Variants in DPH7 observed in about 807,000 individuals in gnomAD.
DPH7 encodes diphthamide biosynthesis 7.
Under a neutral mutation model 41.7 loss-of-function variants are expected in DPH7, and 44 were observed. The ratio of observed to expected loss-of-function variants is 1.05; its 90% CI spans 0.83 to 1.36. The LOEUF (loss-of-function observed/expected upper bound fraction) is 1.36. Among genes scored for constraint, DPH7 ranks in the 40% most tolerant of loss-of-function variants. The probability of loss-of-function intolerance (pLI) is 0.00; values close to 1 mark genes in which losing one functional copy is unlikely to be tolerated. For synonymous variants in DPH7, 275 were observed against 238.0 expected (o/e 1.16, Z -1.43); for missense variants, 629 against 577.5 (o/e 1.09, Z -0.91).
rs971597043 is a variant in DPH7 at position 137,564,951 on chromosome 9, T to C, written c.718A>G (p.Met240Val). Residue 240 changes from methionine (M) to valine (V), a missense_variant, in exon 7 of 9, where the codon ATG becomes GTG. Transcript: ENST00000277540. Reference sequence around the variant, plus strand: ...CTGCTCTGGATGCTGCACACACCCATGGTGTGTCTGCAAGCAGAGGCGGCT... The same window carrying C: ...CTGCTCTGGATGCTGCACACACCCACGGTGTGTCTGCAAGCAGAGGCGGCT... ...KFLFTSKRHTMGVCSIQSSPH... is the reference protein window; with the variant it reads ...KFLFTSKRHTVGVCSIQSSPH... 1.0e-5 allele frequency: 16 copies of C among 1,595,594 alleles called. No homozygotes were observed. In the South Asian group the frequency reaches 1.1e-4, roughly 11 times the overall value.
chr9:137,564,552 T>A lies in DPH7; in HGVS notation c.831A>T (p.Ala277=), dbSNP rs200103991. The change falls in exon 8 of 9, where the codon GCA becomes GCT. Residue 277 remains alanine (A), a synonymous_variant. Coordinates refer to ENST00000277540, the MANE Select transcript of DPH7 (RefSeq NM_138778.5). Reference sequence around the variant, plus strand: ...ATACCCCACCCTGCACAGGCGTATCTGCCAACGGCTGCTTCATGTTTCGTG... The same window carrying A: ...ATACCCCACCCTGCACAGGCGTATCAGCCAACGGCTGCTTCATGTTTCGTG... The part of the protein sequence containing the change: ...WDTRNMKQPL[A]DTPVQGGVWR... 6.2e-7 allele frequency: 1 copy of A among 1,614,068 alleles called. No individual in the cohort carries two copies. Among genetic ancestry groups the A allele is most frequent in the Non-Finnish European group, 8.5e-7 (1 of 1,179,934 alleles).
chr9:137,564,842 C>T (rs768395046), intron 7 of DPH7, 51 bp downstream of exon 7: 46 of 1,555,846 alleles, frequency 3.0e-5, no homozygotes, highest in African/African-American at 1.2e-4. Flanking sequence ...AGGAGCCCCC[C>T]GGGGACAGCG....
rs1299793988 is a variant in DPH7, at chr9:137,574,364, A to T, written c.484T>A (p.Leu162Met). 6 of 1,613,964 alleles carry T rather than the reference A, an allele frequency of 3.7e-6. No individual in the cohort carries two copies. The Admixed American group carries it at 1.0e-4, about 27-fold the overall frequency. Reference protein sequence around the residue: ...GKTGRAGDQPLKIISSDSTGQ... With the variant: ...GKTGRAGDQPMKIISSDSTGQ... ...GTGGAGTCACTGCTGATGATCTTCA[A>T]GGGCTGGTCCCCGGCCCTAGACACA... The change falls in exon 5 of 9, where the codon TTG becomes ATG. Residue 162 changes from leucine (L) to methionine (M), a missense_variant. Coordinates refer to ENST00000277540, the MANE Select transcript of DPH7 (RefSeq NM_138778.5).
At chr9:137,574,594 A>G in intron 4 of DPH7, 158 bp downstream of exon 4, 1 of 863,444 alleles carries the variant, frequency 1.2e-6, no homozygotes, top group South Asian at 1.7e-5. Flanking sequence ...TGTATCTAAA[A>G]TGGGGGACCT....
At chr9:137,576,772 C>T (rs1487650897) in intron 2 of DPH7, among the ~76,000 whole-genome samples, 3 of 152,112 alleles carry the variant, frequency 2.0e-5, no homozygotes, top group Admixed American at 2.0e-4. Flanking sequence ...CGCCTGTAGA[C>T]CGAGCTCTTA....
At chr9:137,564,720 G>A in intron 7 of DPH7, 114 bp from the exon 8 acceptor site, 1 of 1,480,868 alleles carries the variant, frequency 6.8e-7, no homozygotes, top group Non-Finnish European at 9.2e-7. Context: ...CATCCCTCGA[G>A]GACAAAGTCC....
chr9:137,574,867 T>C (rs1457917993), intron 3 of DPH7, 24 bp from the exon 4 acceptor site: 1 of 1,612,368 alleles, frequency 6.2e-7, no homozygotes, highest in Admixed American at 1.7e-5. Context: ...AGAAACTCCA[T>C]CAAAGGGAAG....
intron 5 of DPH7, 61 bp from the exon 6 acceptor site, chr9:137,565,215 G>C: frequency 6.4e-7 from 1 of 1,572,670 alleles, no homozygotes; most frequent in Non-Finnish European, 8.7e-7. Flanking sequence ...TTCTCAGTTA[G>C]GCCGTTGATG....
At chr9:137,573,577 A>G (rs1327485673) in intron 5 of DPH7, among the ~76,000 whole-genome samples, 2 of 131,344 alleles carry the variant, frequency 1.5e-5, no homozygotes, top group African/African-American at 2.9e-5. Flanking sequence ...CAGCTACTCA[A>G]GAGGCTGAGG....
chr9:137,574,064 C>CA (rs951603707), intron 5 of DPH7, 144 bp downstream of exon 5: 5,857 of 830,274 alleles, frequency 7.1e-3, no homozygotes, highest in Non-Finnish European at 8.1e-3. Flanking sequence ...GACTCAGTTT[C>CA]AAAAAAAAAA....
At chr9:137,564,164 TG>T in intron 8 of DPH7, among the ~76,000 whole-genome samples, 1 of 151,966 alleles carries the variant, frequency 6.6e-6, no homozygotes, top group Non-Finnish European at 1.5e-5. Context: ...GAGGTCCCAG[TG>T]GGGTCAGAGG....
rs1179535673 is a variant in DPH7, at chr9:137,578,895, AC to A, written c.-119del. ...CGGACGAGCGCAGAGCCCCAGGGAC[AC>A]CGTCAGCGCGGGCCGCCTCTCTCGC... is the stretch of plus-strand genomic sequence containing the variant. On this transcript the variant is annotated 5_prime_UTR_variant, in exon 1 of 9. Coordinates refer to ENST00000277540, the MANE Select transcript of DPH7 (RefSeq NM_138778.5). 10 of 1,112,628 alleles carry A rather than the reference AC, an allele frequency of 9.0e-6. No individual in the cohort carries two copies. Among genetic ancestry groups the A allele is most frequent in the Non-Finnish European group, 1.2e-5 (10 of 868,390 alleles). 68.9% of individuals were successfully genotyped at this position (1,112,628 alleles called of 1,614,324 possible).
chr9:137,574,090 A>G (rs2133175090), intron 5 of DPH7, 118 bp downstream of exon 5: 2 of 1,130,386 alleles, frequency 1.8e-6, no homozygotes, highest in Non-Finnish European at 2.5e-6. Context: ...CTTTCCATAA[A>G]AGGTCTTCAA....
chr9:137,560,592 C>T (rs1005932405), intron 8 of DPH7, among the ~76,000 whole-genome samples: 3 of 150,776 alleles, frequency 2.0e-5, no homozygotes, highest in South Asian at 2.1e-4. Flanking sequence ...GGGTGGCTCA[C>T]GCCTGTAATC....
chr9:137,575,560 G>A (rs906996480), intron 3 of DPH7: 77 of 993,560 alleles, frequency 7.7e-5, no homozygotes, highest in East Asian at 3.2e-4. Flanking sequence ...CATCTGCATC[G>A]GAGTGAGGGC....
At chr9:137,575,473 C>T in intron 3 of DPH7, 2 of 988,972 alleles carry the variant, frequency 2.0e-6, no homozygotes, top group Non-Finnish European at 2.4e-6. Context: ...CTTTCTAAGA[C>T]AGGGCAACTG....
chr9:137,574,924 G>A, intron 3 of DPH7, 81 bp from the exon 4 acceptor site: 1 of 1,589,448 alleles, frequency 6.3e-7, no homozygotes, highest in South Asian at 1.1e-5. Context: ...CTGCAGGGAA[G>A]TCATCGTTCC....
chr9:137,568,805 G>A (rs906592945), intron 5 of DPH7, among the ~76,000 whole-genome samples: 31 of 152,176 alleles, frequency 2.0e-4, no homozygotes, highest in African/African-American at 7.2e-4. Context: ...ATCAGGTGCA[G>A]GCGACCATTG....
chr9:137,556,658 C>T lies in DPH7; in HGVS notation c.950-1010G>A, dbSNP rs1461964381. On this transcript the variant is annotated intron_variant, in intron 8 of 8. Coordinates refer to ENST00000277540, the MANE Select transcript of DPH7 (RefSeq NM_138778.5). The surrounding 1 kb of genome is among the most constrained non-coding windows in gnomAD (Gnocchi z 5.2). ...GTTCAGAGACAGCCACAGGGGCCCT[C>T]GAGCAGCATGTGTGGGGCGACCCTC... is the stretch of plus-strand genomic sequence containing the variant. 2.0e-5 allele frequency: 7 copies of T among 355,932 alleles called. No homozygotes were observed. Among genetic ancestry groups the T allele is most frequent in the South Asian group, 8.2e-5 (4 of 48,542 alleles). The allele number at this position is 355,932 out of a possible 1,614,324, so 22.0% of individuals were successfully genotyped here.
Sources: allele counts gnomAD v4.1 joint callset (sites outside exome capture counted in the v4.1 genomes callset), GRCh38; gene constraint gnomAD v4.1.1; non-coding constraint Gnocchi (gnomAD v3.1); transcripts MANE v1.5; gene names NCBI Gene and HGNC (gene_info 2026-07-23, HGNC 2026-07-21).